The following MSRA variants were observed in gnomAD, a reference collection of about 807,000 sequenced individuals.
MSRA encodes the protein mitochondrial peptide methionine sulfoxide reductase.
Under a neutral mutation model 31.3 loss-of-function variants are expected in MSRA, and 54 were observed. The observed-to-expected ratio is 1.73, with a 90% CI of 1.39 to 2.17. The LOEUF is 2.17. Among genes scored for constraint, MSRA ranks in the 30% most tolerant of loss-of-function variants. MSRA has a pLI of 0.00. For synonymous variants in MSRA, 169 were observed against 116.5 expected (o/e 1.45, Z -2.90); for missense variants, 507 against 300.9 (o/e 1.69, Z -5.07).
chr8:10,393,947 A>T (rs1483701882), intron 5 of MSRA, among the ~76,000 whole-genome samples: 1 of 152,214 alleles, frequency 6.6e-6, no homozygotes, highest in African/African-American at 2.4e-5. Flanking sequence ...TTTGGTGATC[A>T]CACAGCCATC....
chr8:10,107,648 T>A (rs573260529), intron 1 of MSRA, among the ~76,000 whole-genome samples: 4 of 152,306 alleles, frequency 2.6e-5, no homozygotes, highest in Admixed American at 1.3e-4. Flanking sequence ...AAACCCAACA[T>A]GCTGTTTAAA....
chr8:10,363,192 A>G (rs901090414), intron 5 of MSRA, among the ~76,000 whole-genome samples: 2 of 152,132 alleles, frequency 1.3e-5, no homozygotes, highest in Non-Finnish European at 2.9e-5. Flanking sequence ...TGCAGTTGCT[A>G]GTTCATTTTC....
At chr8:10,105,835 G>A (rs753364590) in intron 1 of MSRA, among the ~76,000 whole-genome samples, 22 of 152,194 alleles carry the variant, frequency 1.4e-4, no homozygotes, top group Admixed American at 9.2e-4. Context: ...ATGCTGTCCC[G>A]TCTAAACAAA....
intron 3 of MSRA, among the ~76,000 whole-genome samples, chr8:10,283,458 A>T (rs926574960): frequency 6.6e-6 from 1 of 151,680 alleles, no homozygotes; most frequent in Non-Finnish European, 1.5e-5. Context: ...TTATTTCCTT[A>T]AGTTTTGGGG....
chr8:10,234,511 C>CT (rs1268041425), intron 2 of MSRA, among the ~76,000 whole-genome samples: 11 of 150,524 alleles, frequency 7.3e-5, no homozygotes, highest in Non-Finnish European at 1.6e-4. Context: ...TCAGAAAAGA[C>CT]TAATAGGAGA....
At chr8:10,321,715 G>A in intron 5 of MSRA, among the ~76,000 whole-genome samples, 1 of 152,214 alleles carries the variant, frequency 6.6e-6, no homozygotes, top group Non-Finnish European at 1.5e-5. Flanking sequence ...GGGGAAGCCA[G>A]TTGCCACGTC....
chr8:10,344,107 A>G (rs1421666831), intron 5 of MSRA, among the ~76,000 whole-genome samples: 2 of 152,156 alleles, frequency 1.3e-5, no homozygotes, highest in East Asian at 3.9e-4. Flanking sequence ...CCCTCTTGCT[A>G]AGGAAGTTGC....
intron 1 of MSRA, among the ~76,000 whole-genome samples, chr8:10,118,523 A>G (rs755865960): frequency 4.6e-5 from 7 of 151,964 alleles, no homozygotes; most frequent in Non-Finnish European, 7.4e-5. Context: ...TTCCCCCACC[A>G]TAGAGTCCAA....
At chr8:10,283,830 T>C (rs1251381585) in intron 3 of MSRA, among the ~76,000 whole-genome samples, 2,108 of 65,096 alleles carry the variant, frequency 0.032, 56 homozygotes, top group African/African-American at 0.083. Flanking sequence ...TATATATATA[T>C]ATATATACAC....
intron 1 of MSRA, among the ~76,000 whole-genome samples, chr8:10,182,172 G>A (rs948670919): frequency 2.6e-5 from 4 of 152,090 alleles, no homozygotes; most frequent in African/African-American, 7.2e-5. Flanking sequence ...CTAAGCTGCA[G>A]CAGCTATGTC....
rs866806523 is a variant in MSRA, at chr8:10,283,868, C to T, written c.332-17666C>T. Among the ~76,000 whole-genome samples the T allele has an allele frequency of 8.5e-3, 1,117 of 131,922 alleles. 14 individuals are homozygous for T. The highest frequency in any genetic ancestry group is 0.013 in the Non-Finnish European group (790 of 61,762). 86.5% of individuals were successfully genotyped at this position (131,922 alleles called of 152,430 possible). On this transcript the variant is annotated intron_variant, in intron 3 of 5. Coordinates refer to ENST00000317173, the MANE Select transcript of MSRA (RefSeq NM_012331.5). ...ACACACACACACACACACACACACA[C>T]ATATATATTACAGTTTCTTTATCTA...
rs539439835 is a variant in MSRA at position 10,147,185 on chromosome 8, T to A, written c.143-60648T>A. Among the ~76,000 whole-genome samples, 23 of 152,164 alleles carry A rather than the reference T, an allele frequency of 1.5e-4. No individual in the cohort carries two copies. In the South Asian group the frequency reaches 4.8e-3, roughly 32 times the overall value. On this transcript the variant is annotated intron_variant, in intron 1 of 5. Transcript: ENST00000317173. ...GAGAGGGTCTGACGGGTCCTCAGGT[T>A]TGAGCCAGAGTAGATGAGAAGGAGC...
intron 1 of MSRA, among the ~76,000 whole-genome samples, chr8:10,150,131 A>G (rs1803533101): frequency 1.3e-5 from 2 of 151,946 alleles, no homozygotes; most frequent in Admixed American, 1.3e-4. Flanking sequence ...GAAAATGCAG[A>G]GAAGTTCTAA....
chr8:10,144,924 G>C (rs1354852948), intron 1 of MSRA, among the ~76,000 whole-genome samples: 1 of 151,552 alleles, frequency 6.6e-6, no homozygotes, highest in African/African-American at 2.4e-5. Context: ...ACTTTGCAAA[G>C]ACTCTGCCTT....
intron 5 of MSRA, among the ~76,000 whole-genome samples, chr8:10,388,148 C>T (rs115262720): frequency 3.9e-4 from 60 of 152,198 alleles, no homozygotes; most frequent in African/African-American, 1.4e-3. Context: ...ATAAGTAATT[C>T]AAAGAGGTGG....
intron 5 of MSRA, 23 bp downstream of exon 5, chr8:10,320,012 C>G: frequency 6.5e-7 from 1 of 1,548,724 alleles, no homozygotes; most frequent in Non-Finnish European, 8.8e-7. Context: ...GGGCTCCTAG[C>G]CCCTGGCTTA....
chr8:10,238,144 C>T (rs1812108934), intron 2 of MSRA, among the ~76,000 whole-genome samples: 1 of 152,300 alleles, frequency 6.6e-6, no homozygotes, highest in African/African-American at 2.4e-5. Flanking sequence ...TTCCTTCCTG[C>T]CCCTTAGAAA....
intron 2 of MSRA, among the ~76,000 whole-genome samples, chr8:10,233,256 C>T (rs1352687951): frequency 6.6e-6 from 1 of 152,206 alleles, no homozygotes; most frequent in Non-Finnish European, 1.5e-5. Context: ...CTTGAAAGTG[C>T]TTCTCTCTTC....
At chr8:10,392,992 G>A (rs958715087) in intron 5 of MSRA, among the ~76,000 whole-genome samples, 5 of 150,460 alleles carry the variant, frequency 3.3e-5, no homozygotes, top group African/African-American at 1.2e-4. Flanking sequence ...AACCCGGGAG[G>A]CGGAGCTTGC....
Sources: gnomAD v4.1 joint callset for allele counts (sites outside exome capture counted in the v4.1 genomes callset) on GRCh38, gnomAD v4.1.1 for gene constraint, MANE v1.5 for transcripts, NCBI Gene and HGNC (gene_info 2026-07-23, HGNC 2026-07-21) for gene names.